The following TRDN variants were observed in gnomAD, a reference collection of about 807,000 sequenced individuals.
The protein encoded by TRDN is triadin.
A neutral mutation model predicts 149.7 loss-of-function variants in TRDN; 161 were observed. That is an observed-to-expected ratio of 1.08 (90% CI 0.95 to 1.23). TRDN has a LOEUF of 1.23. Among genes scored for constraint, TRDN ranks in the 50% most tolerant of loss-of-function variants. TRDN has a pLI of 0.00. For missense variants in TRDN, 896 were observed against 823.5 expected (o/e 1.09, Z -1.08); for synonymous variants, 294 against 250.5 (o/e 1.17, Z -1.64).
rs74965402 is a variant in TRDN, at chr6:123,458,634, G to C, written c.931+6272C>G. On this transcript the variant is annotated intron_variant, in intron 10 of 40. Transcript: ENST00000334268. ...AATATTTTCTCAATAAATAGATAGA[G>C]AGATAGATGTCTCCTACTGGTTTTG... Among the ~76,000 whole-genome samples, 1,521 of 152,260 alleles carry C rather than the reference G, an allele frequency of 1.0e-2. 10 individuals are homozygous for C. Among genetic ancestry groups the C allele is most frequent in the Non-Finnish European group, 0.015 (1,027 of 68,018 alleles).
intron 12 of TRDN, among the ~76,000 whole-genome samples, chr6:123,408,092 T>C (rs1314719851): frequency 6.6e-6 from 1 of 152,166 alleles, no homozygotes; most frequent in Non-Finnish European, 1.5e-5. Context: ...CAATGGTACC[T>C]GGTTTTATGC....
chr6:123,573,108 A>C (rs547112638), intron 1 of TRDN, among the ~76,000 whole-genome samples: 48 of 152,124 alleles, frequency 3.2e-4, no homozygotes, highest in African/African-American at 1.0e-3. Context: ...ACAGTCAAGC[A>C]AAAAAGTTAT....
chr6:123,601,245 A>T (rs1285711392), intron 1 of TRDN, among the ~76,000 whole-genome samples: 2 of 152,148 alleles, frequency 1.3e-5, no homozygotes, highest in African/African-American at 4.8e-5. Context: ...TTAAGTAGGT[A>T]ACAAAATGTC....
chr6:123,496,944 T>A (rs935007917), intron 9 of TRDN, among the ~76,000 whole-genome samples: 1 of 152,046 alleles, frequency 6.6e-6, no homozygotes, highest in Admixed American at 6.5e-5. Context: ...TTAGCATTCC[T>A]TATATGGAGA....
At chr6:123,279,178 T>G in intron 24 of TRDN, 96 bp from the exon 25 acceptor site, 2 of 1,026,522 alleles carry the variant, frequency 1.9e-6, no homozygotes, top group Non-Finnish European at 2.8e-6. Flanking sequence ...AAAATAAAAA[T>G]GAAACAATGT....
intron 24 of TRDN, among the ~76,000 whole-genome samples, chr6:123,285,129 C>T (rs995161706): frequency 4.0e-5 from 6 of 151,890 alleles, no homozygotes; most frequent in South Asian, 2.1e-4. Context: ...AAGCAATCTA[C>T]AAATTCAGTT....
chr6:123,356,655 G>A (rs1780696409), intron 20 of TRDN, among the ~76,000 whole-genome samples: 1 of 149,202 alleles, frequency 6.7e-6, no homozygotes, highest in South Asian at 2.1e-4. Flanking sequence ...TAAGATTGGT[G>A]CTAATTTTTT....
intron 1 of TRDN, among the ~76,000 whole-genome samples, chr6:123,618,379 T>C (rs1785208751): frequency 6.6e-6 from 1 of 152,146 alleles, no homozygotes; most frequent in South Asian, 2.1e-4. Flanking sequence ...AAGCCAGTGC[T>C]GGCTGATTGC....
chr6:123,271,112 G>GA, intron 30 of TRDN, 27 bp downstream of exon 30: 5 of 1,443,976 alleles, frequency 3.5e-6, no homozygotes, highest in Non-Finnish European at 3.7e-6. Flanking sequence ...ATGAGACATA[G>GA]AAAAAAATAT....
chr6:123,636,851 A>C lies in TRDN; in HGVS notation c.-76T>G. ...TTTGCAGAGTATTTGGGGATTTGAG[A>C]ACTCTGGTGGAGGGTTCTGTGTCAA... is the stretch of plus-strand genomic sequence containing the variant. On this transcript the variant is annotated 5_prime_UTR_variant, in exon 1 of 41. Coordinates refer to ENST00000334268, the MANE Select transcript of TRDN (RefSeq NM_006073.4). 6.4e-7 allele frequency: 1 copy of C among 1,570,196 alleles called. No individual in the cohort carries two copies.
At chr6:123,320,939 C>T (rs1779220962) in intron 23 of TRDN, among the ~76,000 whole-genome samples, 1 of 151,996 alleles carries the variant, frequency 6.6e-6, no homozygotes. Flanking sequence ...AACTCTCTCA[C>T]ACACTCCTGG....
chr6:123,246,955 A>G (rs1480635985), intron 38 of TRDN, among the ~76,000 whole-genome samples: 3 of 152,154 alleles, frequency 2.0e-5, no homozygotes, highest in African/African-American at 7.2e-5. Flanking sequence ...AACATGTGCA[A>G]ATTAATAAAC....
intron 10 of TRDN, among the ~76,000 whole-genome samples, chr6:123,450,039 A>T (rs575344604): frequency 1.0e-3 from 159 of 152,324 alleles, no homozygotes; most frequent in African/African-American, 3.6e-3. Context: ...GCCATTACCA[A>T]GCCACCAGTA....
At chr6:123,321,849 C>T (rs776682987) in intron 23 of TRDN, among the ~76,000 whole-genome samples, 2 of 150,796 alleles carry the variant, frequency 1.3e-5, no homozygotes, top group African/African-American at 2.4e-5. Context: ...CTTTGTGGTC[C>T]GGATAAATAT....
intron 1 of TRDN, among the ~76,000 whole-genome samples, chr6:123,593,891 C>T (rs778291896): frequency 6.6e-6 from 1 of 152,006 alleles, no homozygotes; most frequent in Admixed American, 6.6e-5. Context: ...AAATGTACAC[C>T]TAAGGCATTA....
intron 9 of TRDN, among the ~76,000 whole-genome samples, chr6:123,494,848 C>G (rs1778371172): frequency 6.6e-6 from 1 of 151,994 alleles, no homozygotes; most frequent in Non-Finnish European, 1.5e-5. Flanking sequence ...ATTCTCCTGC[C>G]TCAGCCTCCC....
At chr6:123,287,339 A>G (rs577508235) in intron 24 of TRDN, among the ~76,000 whole-genome samples, 5 of 152,284 alleles carry the variant, frequency 3.3e-5, no homozygotes, top group African/African-American at 1.2e-4. Flanking sequence ...AGCAATAGTA[A>G]GCCCAAGAGT....
At chr6:123,457,417 T>C (rs1776192286) in intron 10 of TRDN, 1 of 337,888 alleles carries the variant, frequency 3.0e-6, no homozygotes, top group African/African-American at 2.2e-5. Context: ...ACAAAAGGTC[T>C]TTTTAATAAT....
chr6:123,443,429 A>G (rs1418956159), intron 10 of TRDN, among the ~76,000 whole-genome samples: 1 of 152,082 alleles, frequency 6.6e-6, no homozygotes, highest in African/African-American at 2.4e-5. Context: ...TATTAGGGAG[A>G]AGACTTTTCA....
Sources: gnomAD v4.1 joint callset for allele counts (sites outside exome capture counted in the v4.1 genomes callset) on GRCh38, gnomAD v4.1.1 for gene constraint, MANE v1.5 for transcripts, NCBI Gene and HGNC (gene_info 2026-07-23, HGNC 2026-07-21) for gene names.